Variants in CENPP observed in about 807,000 individuals in gnomAD.
CENPP encodes centromere protein P.
Under a neutral mutation model 35.6 loss-of-function variants are expected in CENPP, and 24 were observed. That is an observed-to-expected ratio of 0.67 (90% CI 0.49 to 0.95). The LOEUF (loss-of-function observed/expected upper bound fraction) is 0.95, where lower values mean the gene tolerates loss of function less well. Ranked by LOEUF, CENPP falls within the 40% of genes least tolerant of loss-of-function variation. The pLI is 0.00. For synonymous variants in CENPP, 120 were observed against 125.5 expected (o/e 0.96, Z 0.29); for missense variants, 332 against 345.3 (o/e 0.96, Z 0.31).
intron 5 of CENPP, among the ~76,000 whole-genome samples, chr9:92,580,805 G>C (rs1217132216): frequency 1.3e-5 from 2 of 152,162 alleles, no homozygotes; most frequent in Non-Finnish European, 2.9e-5. Flanking sequence ...ATTTCCTTCA[G>C]TTCTGCTCTG....
intron 4 of CENPP, among the ~76,000 whole-genome samples, chr9:92,373,961 A>G (rs939184929): frequency 5.9e-5 from 9 of 151,670 alleles, no homozygotes; most frequent in African/African-American, 2.2e-4. Flanking sequence ...CTGTTCCCTT[A>G]TGTTGATATC....
chr9:92,457,310 T>A (rs1157642365), intron 5 of CENPP: 1 of 1,613,950 alleles, frequency 6.2e-7, no homozygotes, highest in South Asian at 1.1e-5. Flanking sequence ...GTTCCCAAGC[T>A]GAACGCTCAT....
At chr9:92,587,849 G>C (rs895273861) in intron 5 of CENPP, among the ~76,000 whole-genome samples, 6 of 152,136 alleles carry the variant, frequency 3.9e-5, no homozygotes, top group African/African-American at 9.7e-5. Context: ...TTTTGAGCCA[G>C]GCACGGTGGC....
At chr9:92,404,511 G>T in intron 5 of CENPP, 1 of 1,293,672 alleles carries the variant, frequency 7.7e-7, no homozygotes. Context: ...TAGCTGTTTT[G>T]AAGTTTTTTG....
At chr9:92,554,193 T>TA (rs1276301705) in intron 5 of CENPP, among the ~76,000 whole-genome samples, 1 of 152,114 alleles carries the variant, frequency 6.6e-6, no homozygotes, top group Non-Finnish European at 1.5e-5. Context: ...TAATTCTTTT[T>TA]TTTTTTTGAG....
rs914153036 is a variant in CENPP, at chr9:92,614,234, C to T, written c.*1085C>T. On this transcript the variant is annotated 3_prime_UTR_variant, in exon 8 of 8. Coordinates refer to ENST00000375587, the MANE Select transcript of CENPP (RefSeq NM_001012267.3). ...GCACTTGAACCCAGGACCCAGCATC[C>T]TCCACACACCGTGACAATGGGCAAA... 1.6e-4 allele frequency: 25 copies of T among 153,038 alleles called. No individual in the cohort carries two copies. Among genetic ancestry groups the T allele is most frequent in the African/African-American group, 6.0e-4 (25 of 41,474 alleles). The allele number at this position is 153,038 out of a possible 1,614,324, so 9.5% of individuals were successfully genotyped here.
chr9:92,328,773 A>G (rs1311843557), intron 1 of CENPP, among the ~76,000 whole-genome samples: 2 of 152,274 alleles, frequency 1.3e-5, no homozygotes, highest in Non-Finnish European at 2.9e-5. Context: ...AACTAACATC[A>G]TTAGTTGAAA....
Position 92,474,490 on chromosome 9 carries a change from T to C in CENPP, c.564+94631T>C, listed in dbSNP as rs1261308094. On this transcript the variant is annotated intron_variant, in intron 5 of 7. Transcript: ENST00000375587. ...ATGTACTTTGGGGTTTGCTGTACTT[T>C]CCACCTAAAAACTTAAATGAAAAAA... is the stretch of plus-strand genomic sequence containing the variant. 3.6e-5 allele frequency: 47 copies of C among 1,312,236 alleles called. No homozygotes were observed. In the Middle Eastern group the frequency reaches 8.0e-4, roughly 22 times the overall value. The allele number at this position is 1,312,236 out of a possible 1,614,324, so 81.3% of individuals were successfully genotyped here. A position where few individuals can be genotyped will look rare whatever the true frequency, so the allele number is the denominator to read the frequency against.
chr9:92,472,117 C>T (rs1328537098), intron 5 of CENPP, among the ~76,000 whole-genome samples: 4 of 151,780 alleles, frequency 2.6e-5, no homozygotes, highest in South Asian at 4.2e-4. Context: ...TTTGGGAGGC[C>T]GAGGTGGGTG....
At chr9:92,403,987 T>C (rs1843224461) in intron 5 of CENPP, among the ~76,000 whole-genome samples, 1 of 152,218 alleles carries the variant, frequency 6.6e-6, no homozygotes, top group African/African-American at 2.4e-5. Context: ...GTTTTTAATT[T>C]TCTTAGTTTT....
At chr9:92,342,639 A>G (rs1198748326) in intron 3 of CENPP, among the ~76,000 whole-genome samples, 1 of 152,200 alleles carries the variant, frequency 6.6e-6, no homozygotes, top group Admixed American at 6.5e-5. Context: ...AATTACAGAG[A>G]GCTGTGGAAT....
chr9:92,338,726 G>A (rs1470026472), intron 3 of CENPP, among the ~76,000 whole-genome samples: 1 of 152,036 alleles, frequency 6.6e-6, no homozygotes, highest in East Asian at 1.9e-4. Flanking sequence ...GTGTGGGTCA[G>A]GAATTTTGGA....
chr9:92,418,073 T>C, intron 5 of CENPP, among the ~76,000 whole-genome samples: 1 of 150,630 alleles, frequency 6.6e-6, no homozygotes, highest in East Asian at 2.0e-4. Flanking sequence ...GAGTTTTTTT[T>C]CTTTTTTCTT....
At chr9:92,432,498 C>T (rs567835159) in intron 5 of CENPP, among the ~76,000 whole-genome samples, 22 of 152,194 alleles carry the variant, frequency 1.4e-4, no homozygotes, top group African/African-American at 5.1e-4. Context: ...GATGAAAGTA[C>T]ATTTCAAATC....
chr9:92,453,486 C>A (rs949122963), intron 5 of CENPP, among the ~76,000 whole-genome samples: 1 of 152,052 alleles, frequency 6.6e-6, no homozygotes, highest in African/African-American at 2.4e-5. Context: ...AATTTCTGTT[C>A]TTTTACATTT....
At chr9:92,555,375 T>C (rs1231341550) in intron 5 of CENPP, among the ~76,000 whole-genome samples, 1 of 151,530 alleles carries the variant, frequency 6.6e-6, no homozygotes, top group Non-Finnish European at 1.5e-5. Context: ...TACAGATGCA[T>C]ACCACCATGT....
chr9:92,440,730 G>T (rs1844364717), intron 5 of CENPP, among the ~76,000 whole-genome samples: 1 of 152,142 alleles, frequency 6.6e-6, no homozygotes, highest in African/African-American at 2.4e-5. Flanking sequence ...AGAGGGAAAA[G>T]GCATTAAATC....
In CENPP at chr9:92,617,081, GGTAA is replaced by G. The variant is rs1216964364; in HGVS notation, c.*3937_*3940del. On this transcript the variant is annotated 3_prime_UTR_variant, in exon 8 of 8. Transcript: ENST00000375587. ...AACAAATCCCTGACTAAGCTGCTGG[GGTAA>G]GTAACTATTCTCATCTGAAGAGTAA... The G allele has an allele frequency of 6.6e-6, 1 of 152,266 alleles. No homozygotes were observed. The highest frequency in any genetic ancestry group is 1.9e-4 in the East Asian group (1 of 5,180). 9.4% of individuals were successfully genotyped at this position (152,266 alleles called of 1,614,324 possible). A position where few individuals can be genotyped will look rare whatever the true frequency, so the allele number is the denominator to read the frequency against.
chr9:92,397,865 A>G (rs1410735319), intron 5 of CENPP, among the ~76,000 whole-genome samples: 1 of 152,228 alleles, frequency 6.6e-6, no homozygotes, highest in Non-Finnish European at 1.5e-5. Context: ...ATGTATACAT[A>G]CACACACATA....
Sources: gnomAD v4.1 joint callset for allele counts (sites outside exome capture counted in the v4.1 genomes callset) on GRCh38, gnomAD v4.1.1 for gene constraint, MANE v1.5 for transcripts, NCBI Gene and HGNC (gene_info 2026-07-23, HGNC 2026-07-21) for gene names.